DPP10: variants seen among roughly 807,000 people sequenced by gnomAD.
DPP10 encodes dipeptidyl peptidase like 10, also known as inactive dipeptidyl peptidase 10.
In DPP10, 33 loss-of-function variants were observed where a neutral mutation model predicts 120.9. The ratio of observed to expected loss-of-function variants is 0.27; its 90% CI spans 0.21 to 0.37. The LOEUF is 0.37. Among genes scored for constraint, DPP10 ranks in the 10% least tolerant of loss-of-function variants. The pLI, the probability that DPP10 is intolerant of heterozygous loss-of-function variation, is 1.00. For missense variants in DPP10, 816 were observed against 942.8 expected (o/e 0.87, Z 1.76); for synonymous variants, 337 against 326.1 (o/e 1.03, Z -0.36).
chr2:115,323,992 A>G (rs1030562026), intron 2 of DPP10, among the ~76,000 whole-genome samples: 1 of 152,190 alleles, frequency 6.6e-6, no homozygotes, highest in African/African-American at 2.4e-5. Context: ...TTAGCCCCTA[A>G]TAGGAGAGTC....
chr2:115,101,044 G>A (rs1298769825), intron 1 of DPP10, among the ~76,000 whole-genome samples: 2 of 152,124 alleles, frequency 1.3e-5, no homozygotes, highest in African/African-American at 4.8e-5. Flanking sequence ...TGTGAACCAA[G>A]CTCAGTCACT....
At chr2:115,452,496 A>T (rs1345172575) in intron 3 of DPP10, among the ~76,000 whole-genome samples, 2 of 151,884 alleles carry the variant, frequency 1.3e-5, no homozygotes, top group Admixed American at 6.6e-5. Context: ...TAAATGCTCA[A>T]GATAATGATG....
intron 1 of DPP10, among the ~76,000 whole-genome samples, chr2:115,028,010 A>G (rs1703588132): frequency 6.6e-6 from 1 of 151,908 alleles, no homozygotes; most frequent in Non-Finnish European, 1.5e-5. Flanking sequence ...ATCTTAGTAT[A>G]GTTATAGGTT....
chr2:115,225,118 AT>A (rs368551868), intron 1 of DPP10, among the ~76,000 whole-genome samples: 1 of 152,138 alleles, frequency 6.6e-6, no homozygotes, highest in South Asian at 2.1e-4. Flanking sequence ...GCAAGTTGCC[AT>A]TTTTTTGATA....
chr2:115,630,853 T>C (rs1334083078), intron 5 of DPP10, among the ~76,000 whole-genome samples: 3 of 152,080 alleles, frequency 2.0e-5, no homozygotes, highest in African/African-American at 7.2e-5. Flanking sequence ...GGCATTGATA[T>C]TGGCCTGAAA....
intron 1 of DPP10, among the ~76,000 whole-genome samples, chr2:114,566,778 C>G (rs938069402): frequency 3.3e-5 from 5 of 152,228 alleles, no homozygotes; most frequent in African/African-American, 1.2e-4. Flanking sequence ...CATCCCAGCT[C>G]TTCCTCAACC....
At chr2:114,771,785 G>A (rs1681276830) in intron 1 of DPP10, among the ~76,000 whole-genome samples, 1 of 152,136 alleles carries the variant, frequency 6.6e-6, no homozygotes, top group Admixed American at 6.6e-5. Flanking sequence ...CTGATTTGAG[G>A]CTAAGAAAAT....
At chr2:114,481,981 A>G (rs1353565410) in intron 1 of DPP10, among the ~76,000 whole-genome samples, 6 of 149,472 alleles carry the variant, frequency 4.0e-5, no homozygotes, top group African/African-American at 1.2e-4. Flanking sequence ...AGAGGAGAGA[A>G]AGAAAGAGAG....
intron 1 of DPP10, among the ~76,000 whole-genome samples, chr2:115,269,371 C>A (rs189667353): frequency 6.6e-6 from 1 of 152,170 alleles, no homozygotes; most frequent in African/African-American, 2.4e-5. Flanking sequence ...TCCAGACTTT[C>A]TGGCTTAAAA....
intron 1 of DPP10, among the ~76,000 whole-genome samples, chr2:114,485,932 G>A (rs1681477736): frequency 6.6e-6 from 1 of 152,088 alleles, no homozygotes; most frequent in South Asian, 2.1e-4. Flanking sequence ...TGGGGCTAGG[G>A]TTCTCCTACT....
chr2:114,847,119 C>T (rs189014262), intron 1 of DPP10, among the ~76,000 whole-genome samples: 4 of 152,228 alleles, frequency 2.6e-5, no homozygotes, highest in Admixed American at 2.6e-4. Flanking sequence ...AGGGATCCTC[C>T]GGCCTCAGCC....
intron 1 of DPP10, among the ~76,000 whole-genome samples, chr2:114,618,773 C>T (rs1285209979): frequency 6.6e-6 from 1 of 151,958 alleles, no homozygotes; most frequent in Non-Finnish European, 1.5e-5. Flanking sequence ...GTAAATTTAG[C>T]ATCAGATGTC....
At chr2:114,981,192 A>G (rs1333743116) in intron 1 of DPP10, among the ~76,000 whole-genome samples, 1 of 152,214 alleles carries the variant, frequency 6.6e-6, no homozygotes, top group African/African-American at 2.4e-5. Context: ...AAAGACTTTC[A>G]GCTGGGGCTA....
chr2:115,334,910 T>C (rs960564357), intron 2 of DPP10, among the ~76,000 whole-genome samples: 4 of 151,778 alleles, frequency 2.6e-5, no homozygotes, highest in African/African-American at 9.7e-5. Flanking sequence ...TATACCAGGA[T>C]ATATCTTTTT....
intron 1 of DPP10, among the ~76,000 whole-genome samples, chr2:114,487,835 G>A (rs1047008165): frequency 1.7e-4 from 26 of 152,050 alleles, no homozygotes; most frequent in African/African-American, 6.3e-4. Context: ...TATCTAAAAA[G>A]AAAAATGAGA....
intron 3 of DPP10, among the ~76,000 whole-genome samples, chr2:115,442,055 G>A (rs950225897): frequency 1.3e-5 from 2 of 150,988 alleles, no homozygotes; most frequent in African/African-American, 2.4e-5. Context: ...TTCATGATCT[G>A]CCCGCCTCGG....
chr2:115,494,106 G>A (rs773481563), intron 3 of DPP10, among the ~76,000 whole-genome samples: 8 of 151,962 alleles, frequency 5.3e-5, no homozygotes, highest in South Asian at 2.1e-4. Flanking sequence ...GCACCACCAC[G>A]GCTAATTTTT....
intron 1 of DPP10, among the ~76,000 whole-genome samples, chr2:115,042,864 G>A (rs1704771401): frequency 6.6e-6 from 1 of 152,116 alleles, no homozygotes; most frequent in African/African-American, 2.4e-5. Context: ...ATATCATTTT[G>A]AAGTTGCAGC....
intron 5 of DPP10, among the ~76,000 whole-genome samples, chr2:115,557,921 G>T (rs928008963): frequency 5.3e-5 from 8 of 152,146 alleles, no homozygotes; most frequent in Non-Finnish European, 7.3e-5. Flanking sequence ...GCTCAAAATG[G>T]ATAATCAACA....
Sources: gnomAD v4.1 joint callset for allele counts (sites outside exome capture counted in the v4.1 genomes callset) on GRCh38, gnomAD v4.1.1 for gene constraint, MANE v1.5 for transcripts, NCBI Gene and HGNC (gene_info 2026-07-23, HGNC 2026-07-21) for gene names.